The following MARCHF11 variants were observed in gnomAD, a reference collection of about 807,000 sequenced individuals.
The protein encoded by MARCHF11 is E3 ubiquitin-protein ligase MARCHF11.
Under a neutral mutation model 37.3 loss-of-function variants are expected in MARCHF11, and 29 were observed. That is an observed-to-expected ratio of 0.78 (90% CI 0.58 to 1.06). MARCHF11 has a LOEUF of 1.06. Among genes scored for constraint, MARCHF11 ranks in the 50% least tolerant of loss-of-function variants. MARCHF11 has a pLI of 0.00. For synonymous variants in MARCHF11, 233 were observed against 228.0 expected (o/e 1.02, Z -0.20); for missense variants, 482 against 533.4 (o/e 0.90, Z 0.95).
At chr5:16,099,682 A>G (rs1736925369) in intron 2 of MARCHF11, among the ~76,000 whole-genome samples, 1 of 152,212 alleles carries the variant, frequency 6.6e-6, no homozygotes, top group South Asian at 2.1e-4. Context: ...GAAATCAAAA[A>G]AGAAAATTGT....
chr5:16,096,186 T>C (rs559158537), intron 2 of MARCHF11, among the ~76,000 whole-genome samples: 2 of 152,338 alleles, frequency 1.3e-5, no homozygotes, highest in South Asian at 2.1e-4. Context: ...TCATACCTAC[T>C]TGAAAGGTGG....
chr5:16,149,310 T>G (rs1737852330), intron 2 of MARCHF11, among the ~76,000 whole-genome samples: 1 of 152,086 alleles, frequency 6.6e-6, no homozygotes, highest in South Asian at 2.1e-4. Context: ...AATGGAAAGT[T>G]GAGATGAGAA....
chr5:16,084,449 C>T (rs895993288), intron 3 of MARCHF11, among the ~76,000 whole-genome samples: 12 of 152,116 alleles, frequency 7.9e-5, no homozygotes, highest in Non-Finnish European at 5.9e-5. Flanking sequence ...TGAAGGCCAC[C>T]CTGGCCAACA....
At chr5:16,146,227 G>A (rs981664112) in intron 2 of MARCHF11, among the ~76,000 whole-genome samples, 10 of 152,076 alleles carry the variant, frequency 6.6e-5, no homozygotes, top group Non-Finnish European at 1.0e-4. Context: ...TTAAAATAAA[G>A]GAGCAGGCAG....
intron 2 of MARCHF11, among the ~76,000 whole-genome samples, chr5:16,160,284 T>A (rs982607547): frequency 1.3e-3 from 193 of 143,604 alleles, no homozygotes; most frequent in African/African-American, 3.9e-3. Flanking sequence ...ATTAAATATT[T>A]AATATTTATA....
intron 2 of MARCHF11, among the ~76,000 whole-genome samples, chr5:16,126,433 T>G (rs2126580840): frequency 6.6e-6 from 1 of 152,352 alleles, no homozygotes; most frequent in Middle Eastern, 3.4e-3. Flanking sequence ...CATGAATTAT[T>G]TTGTACTTTA....
intron 2 of MARCHF11, among the ~76,000 whole-genome samples, chr5:16,150,208 A>T (rs1002811563): frequency 1.3e-5 from 2 of 149,492 alleles, no homozygotes; most frequent in Non-Finnish European, 1.5e-5. Flanking sequence ...AATAGATTAT[A>T]TAATTCTTAG....
At chr5:16,178,997 T>C in intron 1 of MARCHF11, 42 bp downstream of exon 1, 1 of 1,388,276 alleles carries the variant, frequency 7.2e-7, no homozygotes, top group Non-Finnish European at 9.3e-7. Flanking sequence ...CGGCGCGAGC[T>C]GGAGCCGCCA....
chr5:16,075,423 T>G (rs1325104280), intron 3 of MARCHF11, among the ~76,000 whole-genome samples: 1 of 152,246 alleles, frequency 6.6e-6, no homozygotes, highest in African/African-American at 2.4e-5. Context: ...AGAAAATATC[T>G]GCACTGATTT....
intron 2 of MARCHF11, among the ~76,000 whole-genome samples, chr5:16,101,775 T>G (rs759186911): frequency 1.3e-5 from 2 of 152,228 alleles, no homozygotes; most frequent in Non-Finnish European, 2.9e-5. Flanking sequence ...GTTTTCAACC[T>G]TGCTTTTGGA....
intron 2 of MARCHF11, among the ~76,000 whole-genome samples, chr5:16,137,353 G>T (rs1462596020): frequency 6.6e-6 from 1 of 152,216 alleles, no homozygotes; most frequent in East Asian, 1.9e-4. Flanking sequence ...ATAAAGGGCA[G>T]TTCCACTGCA....
At chr5:16,121,988 T>C (rs1299595763) in intron 2 of MARCHF11, among the ~76,000 whole-genome samples, 1 of 152,224 alleles carries the variant, frequency 6.6e-6, no homozygotes, top group African/African-American at 2.4e-5. Flanking sequence ...GAGTACTCAC[T>C]GGTGCTCTTT....
intron 2 of MARCHF11, among the ~76,000 whole-genome samples, chr5:16,139,930 A>G (rs1247959901): frequency 6.6e-6 from 1 of 152,168 alleles, no homozygotes; most frequent in Non-Finnish European, 1.5e-5. Context: ...TAGAAAAACA[A>G]AGCCTCAATA....
chr5:16,144,386 G>A (rs138124442), intron 2 of MARCHF11, among the ~76,000 whole-genome samples: 4,873 of 152,144 alleles, frequency 0.032, 113 homozygotes, highest in Non-Finnish European at 0.048. Flanking sequence ...TGTGTTATTC[G>A]TCGCGATGTT....
intron 2 of MARCHF11, among the ~76,000 whole-genome samples, chr5:16,168,960 A>G (rs982545764): frequency 3.3e-5 from 5 of 152,120 alleles, no homozygotes; most frequent in African/African-American, 1.2e-4. Flanking sequence ...TGGGGGAAAG[A>G]GAACAGGGCC....
At chr5:16,071,314 G>A (rs1342492101) in intron 3 of MARCHF11, among the ~76,000 whole-genome samples, 1 of 152,148 alleles carries the variant, frequency 6.6e-6, no homozygotes, top group East Asian at 1.9e-4. Context: ...GAGACTTTAA[G>A]GTTTTGAGAG....
chr5:16,149,863 C>A (rs1339338614), intron 2 of MARCHF11, among the ~76,000 whole-genome samples: 1 of 152,090 alleles, frequency 6.6e-6, no homozygotes, highest in Non-Finnish European at 1.5e-5. Context: ...TAAAAAAGAG[C>A]AAACTACTGC....
intron 2 of MARCHF11, among the ~76,000 whole-genome samples, chr5:16,137,329 C>T (rs1737626053): frequency 6.6e-6 from 1 of 152,174 alleles, no homozygotes; most frequent in African/African-American, 2.4e-5. Context: ...AGTCTCATGA[C>T]ATCTGATGAT....
At chr5:16,087,399 A>T (rs552328466) in intron 3 of MARCHF11, among the ~76,000 whole-genome samples, 37 of 152,346 alleles carry the variant, frequency 2.4e-4, no homozygotes, top group African/African-American at 7.0e-4. Flanking sequence ...CACTTAGGAA[A>T]TGCAACCCAT....
Sources: gnomAD v4.1 joint callset for allele counts (sites outside exome capture counted in the v4.1 genomes callset) on GRCh38, gnomAD v4.1.1 for gene constraint, MANE v1.5 for transcripts, NCBI Gene and HGNC (gene_info 2026-07-23, HGNC 2026-07-21) for gene names.